Variants in SP4 observed in about 807,000 individuals in gnomAD.
SP4 encodes the protein transcription factor Sp4.
Under a neutral mutation model 72.8 loss-of-function variants are expected in SP4, and 19 were observed. That is an observed-to-expected ratio of 0.26 (90% CI 0.18 to 0.38). SP4 has a LOEUF of 0.38. SP4 is among the 10% of genes least tolerant of loss of function. The pLI, the probability that SP4 is intolerant of heterozygous loss-of-function variation, is 1.00. For synonymous variants in SP4, 395 were observed against 333.1 expected (o/e 1.19, Z -2.02); for missense variants, 1,008 against 926.3 (o/e 1.09, Z -1.14).
At chr7:21,433,801 G>A (rs1258114759) in intron 3 of SP4, among the ~76,000 whole-genome samples, 4 of 152,264 alleles carry the variant, frequency 2.6e-5, no homozygotes, top group East Asian at 1.9e-4. Flanking sequence ...TTAGCTGGGC[G>A]TGGTGGCACA....
In SP4 at chr7:21,430,620, T is replaced by G; in HGVS notation, c.1455T>G (p.Val485=). 1 of 1,614,252 alleles carries G rather than the reference T, an allele frequency of 6.2e-7. No individual in the cohort carries two copies. Among genetic ancestry groups the G allele is most frequent in the Non-Finnish European group, 8.5e-7 (1 of 1,180,052 alleles). The stretch of plus-strand genomic sequence containing the variant: ...TTCAGAGTCTTTCAAATTTGCAAGT[T>G]CAGAATGCTGGGTTATCCCAACAAT... ...QNIQSLSNLQ[V]QNAGLSQQLT... The change falls in exon 3 of 6, where the codon GTT becomes GTG. Residue 485 remains valine (V), a synonymous_variant. Transcript: ENST00000222584.
rs189761106 is a variant in SP4, at chr7:21,480,175, T to C, written c.1908-1749T>C. 1.1e-4 allele frequency among the ~76,000 whole-genome samples: 17 copies of C among 152,332 alleles called. No homozygotes were observed. In the East Asian group the frequency reaches 2.9e-3, roughly 26 times the overall value. Reference sequence around the variant, plus strand: ...ATGTTGACAGTGTGCTTGTATTTTGTTGAGGATTTTTGCATCCATATTCAT... The same window carrying C: ...ATGTTGACAGTGTGCTTGTATTTTGCTGAGGATTTTTGCATCCATATTCAT... On this transcript the variant is annotated intron_variant, in intron 4 of 5. Transcript: ENST00000222584.
chr7:21,477,582 G>C (rs1784541271), intron 4 of SP4, among the ~76,000 whole-genome samples: 1 of 151,426 alleles, frequency 6.6e-6, no homozygotes, highest in Non-Finnish European at 1.5e-5. Context: ...TGCTGCCTAG[G>C]CTGGAGTGCA....
chr7:21,429,077 T>C (rs1036992575), intron 2 of SP4, among the ~76,000 whole-genome samples: 3 of 152,172 alleles, frequency 2.0e-5, no homozygotes, highest in Non-Finnish European at 4.4e-5. Context: ...TAAAGAAATT[T>C]CCTTTTATTT....
At chr7:21,466,976 AT>A (rs1300866955) in intron 3 of SP4, among the ~76,000 whole-genome samples, 3 of 152,038 alleles carry the variant, frequency 2.0e-5, no homozygotes, top group African/African-American at 7.2e-5. Flanking sequence ...CCATATTTTA[AT>A]TTTTCATATG....
At chr7:21,467,398 T>C (rs1784199246) in intron 3 of SP4, among the ~76,000 whole-genome samples, 1 of 152,120 alleles carries the variant, frequency 6.6e-6, no homozygotes, top group Non-Finnish European at 1.5e-5. Context: ...CAACTTCAAG[T>C]GTATATTCAA....
intron 3 of SP4, among the ~76,000 whole-genome samples, chr7:21,455,225 T>C (rs977981866): frequency 3.9e-5 from 6 of 152,202 alleles, no homozygotes; most frequent in African/African-American, 1.2e-4. Flanking sequence ...GATTATCCCA[T>C]TGGGGAAGTT....
intron 3 of SP4, among the ~76,000 whole-genome samples, chr7:21,458,306 C>T (rs1783840675): frequency 6.6e-6 from 1 of 152,076 alleles, no homozygotes; most frequent in Admixed American, 6.5e-5. Flanking sequence ...AATTCTTCCG[C>T]CCCAGCCTCC....
chr7:21,455,968 A>G (rs1184674604), intron 3 of SP4, among the ~76,000 whole-genome samples: 1 of 152,166 alleles, frequency 6.6e-6, no homozygotes, highest in African/African-American at 2.4e-5. Flanking sequence ...ATGACCCTGA[A>G]GATCTTGGTG....
At position 21,428,134 on chromosome 7, in the gene SP4, A is replaced by G; in HGVS notation, c.-118A>G. ...AAAAGAGGCAGAGCCTGTGCCAGCT[A>G]CAGCCTCCTCCGAGCCACCGCGGGC... On this transcript the variant is annotated 5_prime_UTR_variant, in exon 1 of 6. Transcript: ENST00000222584. 5 of 717,778 alleles carry G rather than the reference A, an allele frequency of 7.0e-6. No homozygotes were observed. The South Asian group carries it at 7.4e-5, about 11-fold the overall frequency. 44.5% of individuals were successfully genotyped at this position (717,778 alleles called of 1,614,324 possible).
At chr7:21,470,302 C>T (rs950992266) in intron 3 of SP4, among the ~76,000 whole-genome samples, 1 of 152,168 alleles carries the variant, frequency 6.6e-6, no homozygotes, top group Non-Finnish European at 1.5e-5. Flanking sequence ...TGGCCTCTTT[C>T]TTGAGCAGCT....
chr7:21,453,018 T>C (rs1369443936), intron 3 of SP4, among the ~76,000 whole-genome samples: 1 of 152,136 alleles, frequency 6.6e-6, no homozygotes, highest in African/African-American at 2.4e-5. Context: ...GACCTTGTGA[T>C]CTGCCTGCCT....
At chr7:21,451,387 G>A (rs186354901) in intron 3 of SP4, among the ~76,000 whole-genome samples, 109 of 152,242 alleles carry the variant, frequency 7.2e-4, no homozygotes, top group African/African-American at 2.4e-3. Flanking sequence ...TCTTGGTTGC[G>A]GGGTTAGGGG....
intron 5 of SP4, among the ~76,000 whole-genome samples, chr7:21,502,041 C>CCCCT (rs1781878546): frequency 3.4e-5 from 1 of 29,834 alleles, no homozygotes; most frequent in South Asian, 2.0e-3. Flanking sequence ...TCATTAGGCA[C>CCCCT]CCCCCCCCCC....
At chr7:21,495,320 G>A (rs1401476213) in intron 5 of SP4, among the ~76,000 whole-genome samples, 1 of 152,112 alleles carries the variant, frequency 6.6e-6, no homozygotes, top group Non-Finnish European at 1.5e-5. Context: ...TACAGACTGG[G>A]AGAAAGTGTT....
intron 3 of SP4, among the ~76,000 whole-genome samples, chr7:21,441,535 T>C (rs943860683): frequency 1.3e-4 from 20 of 152,180 alleles, no homozygotes; most frequent in African/African-American, 4.8e-4. Flanking sequence ...TTTGAAAAAC[T>C]TGAATCTAGT....
intron 5 of SP4, among the ~76,000 whole-genome samples, chr7:21,506,845 T>G (rs746443326): frequency 6.6e-6 from 1 of 152,246 alleles, no homozygotes; most frequent in Non-Finnish European, 1.5e-5. Context: ...CCTCTTTTTC[T>G]TGTTGAATCG....
intron 5 of SP4, among the ~76,000 whole-genome samples, chr7:21,505,955 A>G (rs1398642642): frequency 1.3e-5 from 2 of 151,866 alleles, no homozygotes; most frequent in Non-Finnish European, 2.9e-5. Context: ...TGCCTTCCCT[A>G]ACCCTCACAA....
At chr7:21,460,553 G>T (rs191724168) in intron 3 of SP4, among the ~76,000 whole-genome samples, 3 of 152,302 alleles carry the variant, frequency 2.0e-5, no homozygotes, top group South Asian at 4.1e-4. Context: ...AAGGGGACCC[G>T]AGCGGGTTGC....
Sources: gnomAD v4.1 joint callset for allele counts (sites outside exome capture counted in the v4.1 genomes callset) on GRCh38, gnomAD v4.1.1 for gene constraint, MANE v1.5 for transcripts, NCBI Gene and HGNC (gene_info 2026-07-23, HGNC 2026-07-21) for gene names.